PLCH1: variants seen among roughly 807,000 people sequenced by gnomAD.
The protein encoded by PLCH1 is phospholipase C eta 1.
A neutral mutation model predicts 126.7 loss-of-function variants in PLCH1; 60 were observed. That is an observed-to-expected ratio of 0.47 (90% CI 0.38 to 0.59). The LOEUF (loss-of-function observed/expected upper bound fraction) is 0.59. Among genes scored for constraint, PLCH1 ranks in the 20% least tolerant of loss-of-function variants. The pLI is 0.00. For synonymous variants in PLCH1, 719 were observed against 734.9 expected (o/e 0.98, Z 0.35); for missense variants, 1,723 against 2,040.0 (o/e 0.84, Z 2.99).
At chr3:155,502,985 A>C (rs776755484) in intron 13 of PLCH1, among the ~76,000 whole-genome samples, 22 of 152,246 alleles carry the variant, frequency 1.4e-4, no homozygotes, top group Admixed American at 3.9e-4. Flanking sequence ...CGTATAATGT[A>C]AAGTTCTCCA....
At chr3:155,488,593 CA>C (rs1715667186) in intron 20 of PLCH1, 66 bp downstream of exon 20, 1 of 1,254,972 alleles carries the variant, frequency 8.0e-7, no homozygotes. Flanking sequence ...AGTAACATAT[CA>C]TATATTACGT....
chr3:155,674,300 A>G (rs149513735), intron 2 of PLCH1, among the ~76,000 whole-genome samples: 41 of 152,306 alleles, frequency 2.7e-4, no homozygotes, highest in Non-Finnish European at 4.4e-4. Flanking sequence ...AGGAGCAAAC[A>G]TGGGCTTTAT....
At chr3:155,452,278 C>A (rs1429201138) in intron 21 of PLCH1, among the ~76,000 whole-genome samples, 5 of 152,176 alleles carry the variant, frequency 3.3e-5, no homozygotes, top group African/African-American at 1.2e-4. Context: ...GACTTATTCA[C>A]TACCATGAGA....
At chr3:155,537,212 A>AC (rs1723527636) in intron 10 of PLCH1, among the ~76,000 whole-genome samples, 2 of 7,280 alleles carry the variant, frequency 2.7e-4, no homozygotes, top group Non-Finnish European at 3.5e-3. Context: ...CAAAAAAAAA[A>AC]AAAAAAAAAA....
At chr3:155,483,730 C>A (rs567421834) in intron 22 of PLCH1, among the ~76,000 whole-genome samples, 50 of 152,144 alleles carry the variant, frequency 3.3e-4, no homozygotes, top group Non-Finnish European at 5.7e-4. Context: ...TTTCATATTG[C>A]ATCCTTCCCT....
chr3:155,672,021 C>T (rs1255815461), intron 2 of PLCH1, among the ~76,000 whole-genome samples: 1 of 152,052 alleles, frequency 6.6e-6, no homozygotes, highest in Non-Finnish European at 1.5e-5. Context: ...ATTCACAATA[C>T]CGACTAAAAT....
intron 2 of PLCH1, among the ~76,000 whole-genome samples, chr3:155,602,580 G>A (rs4680195): frequency 0.21 from 31,628 of 152,010 alleles, 4,173 homozygotes; most frequent in African/African-American, 0.37. Flanking sequence ...CCTATTGCAC[G>A]TCTAGGCTGT....
At chr3:155,591,143 C>G (rs1732114525) in intron 4 of PLCH1, among the ~76,000 whole-genome samples, 1 of 152,196 alleles carries the variant, frequency 6.6e-6, no homozygotes, top group African/African-American at 2.4e-5. Context: ...AGAGAGACTT[C>G]TATAAGTGAC....
intron 10 of PLCH1, among the ~76,000 whole-genome samples, chr3:155,543,433 G>T (rs915595257): frequency 1.3e-5 from 2 of 152,152 alleles, no homozygotes; most frequent in African/African-American, 4.8e-5. Context: ...GAAAGTGACG[G>T]GGAGAATGGA....
At position 155,700,490 on chromosome 3, in the gene PLCH1, T is replaced by C. The variant is rs116615375; in HGVS notation, c.79+3656A>G. On this transcript the variant is annotated intron_variant, in intron 2 of 22. Transcript: ENST00000460012. ...TTCTAGTTTAGATTTGTAATGGTTA[T>C]TCCGAAATATTCATTTAACAACATG... Among the ~76,000 whole-genome samples the C allele has an allele frequency of 5.2e-3, 795 of 152,346 alleles. 7 individuals are homozygous for C. Among genetic ancestry groups the C allele is most frequent in the African/African-American group, 0.018 (751 of 41,578 alleles).
intron 21 of PLCH1, among the ~76,000 whole-genome samples, chr3:155,472,496 G>C (rs1713314348): frequency 6.6e-6 from 1 of 150,698 alleles, no homozygotes; most frequent in Non-Finnish European, 1.5e-5. Flanking sequence ...TTCTACCAGA[G>C]GTACAAGGAG....
intron 2 of PLCH1, among the ~76,000 whole-genome samples, chr3:155,663,036 T>C (rs73156558): frequency 0.043 from 6,586 of 152,308 alleles, 205 homozygotes; most frequent in Non-Finnish European, 0.061. Flanking sequence ...TTTCTTCTGA[T>C]TGAAAAATCT....
At chr3:155,667,874 G>A (rs1245125680) in intron 2 of PLCH1, among the ~76,000 whole-genome samples, 1 of 142,920 alleles carries the variant, frequency 7.0e-6, no homozygotes, top group Non-Finnish European at 1.5e-5. Flanking sequence ...AGACCAGCCT[G>A]GCCAACATGG....
intron 2 of PLCH1, among the ~76,000 whole-genome samples, chr3:155,610,408 G>A (rs1024014900): frequency 7.2e-6 from 1 of 138,540 alleles, no homozygotes; most frequent in African/African-American, 2.7e-5. Context: ...TAGGCACATT[G>A]TCAACAGATT....
chr3:155,460,380 T>C (rs1712662741), intron 21 of PLCH1, among the ~76,000 whole-genome samples: 1 of 152,112 alleles, frequency 6.6e-6, no homozygotes, highest in Admixed American at 6.5e-5. Flanking sequence ...TGTCTTGTAG[T>C]TGGAAATGGA....
chr3:155,616,191 A>G (rs1403752365), intron 2 of PLCH1, among the ~76,000 whole-genome samples: 1 of 152,204 alleles, frequency 6.6e-6, no homozygotes, highest in East Asian at 1.9e-4. Flanking sequence ...AAAAATAAAA[A>G]TCATGCATTT....
chr3:155,496,507 G>A (rs1469364175), intron 15 of PLCH1, among the ~76,000 whole-genome samples: 1 of 152,108 alleles, frequency 6.6e-6, no homozygotes, highest in Admixed American at 6.5e-5. Flanking sequence ...ATACATTTGT[G>A]GAGTGGGGGC....
At chr3:155,575,973 G>A (rs949191550) in intron 6 of PLCH1, among the ~76,000 whole-genome samples, 2 of 152,062 alleles carry the variant, frequency 1.3e-5, no homozygotes, top group African/African-American at 2.4e-5. Flanking sequence ...ATATAAAGGC[G>A]CTTCAATGTT....
intron 10 of PLCH1, among the ~76,000 whole-genome samples, chr3:155,541,949 A>G (rs1724307160): frequency 6.6e-6 from 1 of 152,242 alleles, no homozygotes; most frequent in South Asian, 2.1e-4. Flanking sequence ...AGCTCCCAGC[A>G]TGAGCAACGC....
Sources: gnomAD v4.1 joint callset for allele counts (sites outside exome capture counted in the v4.1 genomes callset) on GRCh38, gnomAD v4.1.1 for gene constraint, MANE v1.5 for transcripts, NCBI Gene and HGNC (gene_info 2026-07-23, HGNC 2026-07-21) for gene names.